Variants in PLXDC2 observed in about 807,000 individuals in gnomAD.
The protein encoded by PLXDC2 is plexin domain-containing protein 2.
PLXDC2 carries 40 observed loss-of-function variants against 68.9 expected under a neutral mutation model. That is an observed-to-expected ratio of 0.58 (90% confidence interval 0.45 to 0.76). PLXDC2 has a LOEUF of 0.76. Among genes scored for constraint, PLXDC2 ranks in the 30% least tolerant of loss-of-function variants. PLXDC2 has a pLI of 0.00. For missense variants in PLXDC2, 644 were observed against 661.9 expected (o/e 0.97, Z 0.30); for synonymous variants, 243 against 234.2 (o/e 1.04, Z -0.34).
intron 4 of PLXDC2, among the ~76,000 whole-genome samples, chr10:20,105,632 A>C (rs1180305484): frequency 1.3e-5 from 2 of 152,190 alleles, no homozygotes; most frequent in East Asian, 3.9e-4. Context: ...CCAAGGCTGT[A>C]GTCTCTCCTC....
chr10:20,256,562 A>G (rs72795928), intron 13 of PLXDC2, among the ~76,000 whole-genome samples: 12,385 of 152,276 alleles, frequency 0.081, 548 homozygotes, highest in Middle Eastern at 0.17. Context: ...TAAATTTGTT[A>G]TAATTATTAA....
intron 1 of PLXDC2, among the ~76,000 whole-genome samples, chr10:19,863,804 T>A (rs943124): frequency 0.41 from 57,138 of 140,064 alleles, 11,276 homozygotes; most frequent in African/African-American, 0.52. Flanking sequence ...GAAGTTGTAG[T>A]CCAAAGATAC....
chr10:20,265,236 A>T (rs191689100), intron 13 of PLXDC2, among the ~76,000 whole-genome samples: 1 of 152,126 alleles, frequency 6.6e-6, no homozygotes, highest in East Asian at 1.9e-4. Flanking sequence ...CTTCCTGAAA[A>T]CTCTTTCCGA....
intron 1 of PLXDC2, among the ~76,000 whole-genome samples, chr10:19,909,619 T>C (rs1179551648): frequency 6.6e-6 from 1 of 152,198 alleles, no homozygotes; most frequent in Non-Finnish European, 1.5e-5. Flanking sequence ...TATTGAATGA[T>C]TCATTTATTA....
At position 19,927,842 on chromosome 10, in the gene PLXDC2, C is replaced by T. The variant is rs1034452972; in HGVS notation, c.113-73933C>T. ...TTTTATTTCAATAGCTTTAGGGGTA[C>T]AAGTGGTTTTTGGTTTCACAGATTA... On this transcript the variant is annotated intron_variant, in intron 1 of 13. Coordinates refer to ENST00000377252, the MANE Select transcript of PLXDC2 (RefSeq NM_032812.9). 2.7e-5 allele frequency among the ~76,000 whole-genome samples: 4 copies of T among 149,112 alleles called. No individual in the cohort carries two copies. The Admixed American group carries it at 2.7e-4, about 10-fold the overall frequency.
At position 20,282,191 on chromosome 10, in the gene PLXDC2, A is replaced by T. The variant is rs1161406632; in HGVS notation, c.*2372A>T. On this transcript the variant is annotated 3_prime_UTR_variant, in exon 14 of 14. Coordinates refer to ENST00000377252, the MANE Select transcript of PLXDC2 (RefSeq NM_032812.9). ...GGAGTGTGGGAAAACTTCTTAACAG[A>T]ACTAAGAGTTAAAGGTAGTGAGAAG... 1 of 152,190 alleles carries T rather than the reference A, an allele frequency of 6.6e-6. No individual in the cohort carries two copies. Among genetic ancestry groups the T allele is most frequent in the Non-Finnish European group, 1.5e-5 (1 of 68,032 alleles). The allele number at this position is 152,190 out of a possible 1,614,324, so 9.4% of individuals were successfully genotyped here.
chr10:20,009,507 A>T (rs1835075843), intron 2 of PLXDC2, among the ~76,000 whole-genome samples: 1 of 152,058 alleles, frequency 6.6e-6, no homozygotes, highest in African/African-American at 2.4e-5. Context: ...TGGACCTCCA[A>T]GTGTATTGAA....
intron 4 of PLXDC2, among the ~76,000 whole-genome samples, chr10:20,081,657 A>T (rs904256730): frequency 6.6e-6 from 1 of 152,198 alleles, no homozygotes; most frequent in African/African-American, 2.4e-5. Context: ...GCCAACAAAC[A>T]AACAAACTTT....
At chr10:20,008,067 C>G (rs535752455) in intron 2 of PLXDC2, among the ~76,000 whole-genome samples, 1 of 152,312 alleles carries the variant, frequency 6.6e-6, no homozygotes, top group East Asian at 1.9e-4. Flanking sequence ...CTTTGATCTT[C>G]GGCTATCACA....
intron 11 of PLXDC2, 51 bp from the exon 12 acceptor site, chr10:20,219,013 C>T (rs759573240): frequency 6.3e-7 from 1 of 1,590,288 alleles, no homozygotes; most frequent in Admixed American, 1.7e-5. Flanking sequence ...GATTTATGCT[C>T]CTTTGAAATC....
intron 1 of PLXDC2, among the ~76,000 whole-genome samples, chr10:19,985,689 G>A (rs1372353264): frequency 6.6e-6 from 1 of 152,118 alleles, no homozygotes; most frequent in Non-Finnish European, 1.5e-5. Flanking sequence ...CAGAATAAAA[G>A]CATTGTTTGC....
At chr10:20,138,648 C>G (rs1245582395) in intron 4 of PLXDC2, among the ~76,000 whole-genome samples, 1 of 152,198 alleles carries the variant, frequency 6.6e-6, no homozygotes, top group East Asian at 1.9e-4. Flanking sequence ...TGCAGTGGCT[C>G]ACACCTGTAA....
At chr10:20,050,163 G>A (rs752270780) in intron 3 of PLXDC2, among the ~76,000 whole-genome samples, 1 of 152,106 alleles carries the variant, frequency 6.6e-6, no homozygotes. Context: ...GCCATATACA[G>A]CAGATTGAAG....
chr10:20,149,733 C>T (rs1369726494), intron 6 of PLXDC2, among the ~76,000 whole-genome samples: 1 of 152,106 alleles, frequency 6.6e-6, no homozygotes, highest in African/African-American at 2.4e-5. Context: ...CATCCAGGTC[C>T]CTACAGAAGA....
chr10:19,830,191 A>G (rs1223872101), intron 1 of PLXDC2, among the ~76,000 whole-genome samples: 3 of 152,042 alleles, frequency 2.0e-5, no homozygotes, highest in Non-Finnish European at 4.4e-5. Context: ...CAACTGGGAA[A>G]CACCCCCTGG....
At chr10:20,142,469 A>T (rs1460239909) in intron 4 of PLXDC2, among the ~76,000 whole-genome samples, 5 of 152,126 alleles carry the variant, frequency 3.3e-5, no homozygotes, top group African/African-American at 1.2e-4. Context: ...CCAGCACAGG[A>T]TTAACAATTT....
intron 1 of PLXDC2, among the ~76,000 whole-genome samples, chr10:19,830,543 C>T (rs1202219069): frequency 2.6e-5 from 4 of 152,156 alleles, no homozygotes; most frequent in African/African-American, 9.7e-5. Flanking sequence ...CTCTTTCCCC[C>T]ATCCTTTGGT....
At chr10:20,101,836 T>C (rs1833426007) in intron 4 of PLXDC2, among the ~76,000 whole-genome samples, 1 of 152,030 alleles carries the variant, frequency 6.6e-6, no homozygotes. Flanking sequence ...CTCACTCTGT[T>C]GCCCAGGCTG....
intron 9 of PLXDC2, among the ~76,000 whole-genome samples, chr10:20,188,321 C>T (rs1206731882): frequency 2.0e-5 from 3 of 151,574 alleles, no homozygotes; most frequent in African/African-American, 7.2e-5. Flanking sequence ...ATGAAATCAA[C>T]ATTTTTAGCT....
Sources: gnomAD v4.1 joint callset for allele counts (sites outside exome capture counted in the v4.1 genomes callset) on GRCh38, gnomAD v4.1.1 for gene constraint, MANE v1.5 for transcripts, NCBI Gene and HGNC (gene_info 2026-07-23, HGNC 2026-07-21) for gene names.